Variants in CTNND2 observed in about 807,000 individuals in gnomAD.
The protein encoded by CTNND2 is catenin delta 2.
A neutral mutation model predicts 144.4 loss-of-function variants in CTNND2; 22 were observed. The ratio of observed to expected loss-of-function variants is 0.15; its 90% CI spans 0.11 to 0.22. The LOEUF is 0.22. Ranked by LOEUF, CTNND2 falls within the 10% of genes least tolerant of loss-of-function variation. CTNND2 has a pLI of 1.00. For synonymous variants in CTNND2, 751 were observed against 695.6 expected, an observed-to-expected ratio of 1.08 and a Z score of -1.25; for missense variants, 1,353 against 1,618.8, an observed-to-expected ratio of 0.84 and a Z score of 2.82.
intron 9 of CTNND2, among the ~76,000 whole-genome samples, chr5:11,319,953 T>C (rs1751871751): frequency 1.3e-5 from 2 of 152,224 alleles, no homozygotes; most frequent in Admixed American, 1.3e-4. Flanking sequence ...TTCCATGAAG[T>C]TGTCAGGCCC....
At chr5:11,262,545 G>A (rs1220684483) in intron 9 of CTNND2, among the ~76,000 whole-genome samples, 2 of 151,956 alleles carry the variant, frequency 1.3e-5, no homozygotes, top group Non-Finnish European at 1.5e-5. Flanking sequence ...GGTGGATCAC[G>A]AGGTCAGGAG....
intron 2 of CTNND2, among the ~76,000 whole-genome samples, chr5:11,698,235 T>C (rs1785227106): frequency 1.3e-5 from 2 of 151,990 alleles, no homozygotes; most frequent in Admixed American, 1.3e-4. Flanking sequence ...ATGAAATCTA[T>C]CTGATGCTGA....
At chr5:11,382,557 C>A (rs542951060) in intron 7 of CTNND2, among the ~76,000 whole-genome samples, 1 of 151,292 alleles carries the variant, frequency 6.6e-6, no homozygotes, top group East Asian at 2.0e-4. Context: ...GAGATCGCAC[C>A]ACTGCACTCC....
chr5:11,900,142 T>G, intron 1 of CTNND2, among the ~76,000 whole-genome samples: 1 of 152,224 alleles, frequency 6.6e-6, no homozygotes, highest in East Asian at 1.9e-4. Context: ...GGTGAATATT[T>G]ATCTAAGATA....
chr5:11,271,780 T>C (rs966046437), intron 9 of CTNND2, among the ~76,000 whole-genome samples: 5 of 152,066 alleles, frequency 3.3e-5, no homozygotes, highest in Non-Finnish European at 5.9e-5. Context: ...GAATGAGAAA[T>C]GAGTGGGAGG....
At chr5:11,868,636 C>T (rs540665792) in intron 1 of CTNND2, among the ~76,000 whole-genome samples, 1 of 152,166 alleles carries the variant, frequency 6.6e-6, no homozygotes, top group South Asian at 2.1e-4. Flanking sequence ...GAGATAGGGC[C>T]TTTAAGAGGT....
intron 1 of CTNND2, among the ~76,000 whole-genome samples, chr5:11,774,686 A>G (rs919487091): frequency 6.6e-6 from 1 of 152,126 alleles, no homozygotes; most frequent in Non-Finnish European, 1.5e-5. Context: ...TTGATTTAAG[A>G]AACACTTTTT....
At chr5:11,777,581 A>C (rs1790325600) in intron 1 of CTNND2, among the ~76,000 whole-genome samples, 1 of 152,196 alleles carries the variant, frequency 6.6e-6, no homozygotes, top group Admixed American at 6.5e-5. Context: ...CCTGAATCTT[A>C]GACAGAGGCC....
At chr5:11,480,959 T>A (rs957138690) in intron 3 of CTNND2, among the ~76,000 whole-genome samples, 2 of 152,108 alleles carry the variant, frequency 1.3e-5, no homozygotes, top group East Asian at 3.9e-4. Context: ...GGAAATGGGC[T>A]CCTATATACA....
rs543955186 is a variant in CTNND2, at chr5:11,098,546, T to G, written c.2637+29A>C. The G allele has an allele frequency of 2.3e-5, 37 of 1,584,084 alleles. No homozygotes were observed. The South Asian group carries it at 4.2e-4, about 18-fold the overall frequency. ...TGAGGAGTTGCTCATAACTCCAGATTTCTTTTTATTGTAATGAACTGGCCA... is the reference window on the plus strand; with the variant it reads ...TGAGGAGTTGCTCATAACTCCAGATGTCTTTTTATTGTAATGAACTGGCCA... On this transcript the variant is annotated intron_variant, in intron 15 of 21. Coordinates refer to ENST00000304623, the MANE Select transcript of CTNND2 (RefSeq NM_001332.4).
intron 12 of CTNND2, among the ~76,000 whole-genome samples, chr5:11,117,970 A>G (rs1010046347): frequency 6.6e-6 from 1 of 152,252 alleles, no homozygotes; most frequent in Non-Finnish European, 1.5e-5. Context: ...TATTTTAGAC[A>G]TCTAAATTTG....
intron 1 of CTNND2, among the ~76,000 whole-genome samples, chr5:11,804,650 A>G (rs1374524785): frequency 2.0e-5 from 3 of 152,176 alleles, no homozygotes; most frequent in Admixed American, 6.5e-5. Context: ...TAGGAAAACT[A>G]TAGAGATGGC....
intron 9 of CTNND2, among the ~76,000 whole-genome samples, chr5:11,257,757 G>T (rs1744419597): frequency 6.6e-6 from 1 of 152,150 alleles, no homozygotes; most frequent in Admixed American, 6.5e-5. Context: ...TGGTTGATGG[G>T]CTTTCTACAG....
intron 2 of CTNND2, among the ~76,000 whole-genome samples, chr5:11,706,534 A>T (rs1785701810): frequency 6.6e-6 from 1 of 152,166 alleles, no homozygotes; most frequent in Non-Finnish European, 1.5e-5. Context: ...CCAAATCAAG[A>T]TACAGAGTGC....
chr5:11,684,660 C>T lies in CTNND2; in HGVS notation c.174+47476G>A, dbSNP rs888166817. The stretch of plus-strand genomic sequence containing the variant: ...TGCCTCCCACCTTCTTAATTCCTAA[C>T]ATGAGTGTGAATGAGTTTGAAGTTT... On this transcript the variant is annotated intron_variant, in intron 2 of 21. Coordinates refer to ENST00000304623, the MANE Select transcript of CTNND2 (RefSeq NM_001332.4). Among the ~76,000 whole-genome samples, 21 of 152,264 alleles carry T rather than the reference C, an allele frequency of 1.4e-4. No individual in the cohort carries two copies. The East Asian group carries it at 3.9e-3, about 28-fold the overall frequency.
chr5:11,895,022 G>A (rs1302855628), intron 1 of CTNND2, among the ~76,000 whole-genome samples: 1 of 152,204 alleles, frequency 6.6e-6, no homozygotes, highest in Non-Finnish European at 1.5e-5. Flanking sequence ...GAGAGAAGGA[G>A]TGTGTGCCTG....
chr5:11,045,655 C>A (rs1278592312), intron 16 of CTNND2, among the ~76,000 whole-genome samples: 1 of 152,176 alleles, frequency 6.6e-6, no homozygotes, highest in Non-Finnish European at 1.5e-5. Context: ...GTGTCTCTTA[C>A]AAGGACACTT....
intron 1 of CTNND2, among the ~76,000 whole-genome samples, chr5:11,865,577 T>C (rs1795722480): frequency 6.6e-6 from 1 of 152,112 alleles, no homozygotes; most frequent in South Asian, 2.1e-4. Context: ...GTTGGATCAG[T>C]GTGGGAAGCA....
chr5:11,438,508 C>T (rs1763973417), intron 3 of CTNND2, among the ~76,000 whole-genome samples: 1 of 152,186 alleles, frequency 6.6e-6, no homozygotes, highest in Non-Finnish European at 1.5e-5. Context: ...TACCTAATTT[C>T]AGAGTCACAC....
Sources: allele counts gnomAD v4.1 joint callset (sites outside exome capture counted in the v4.1 genomes callset), GRCh38; gene constraint gnomAD v4.1.1; transcripts MANE v1.5; gene names NCBI Gene and HGNC (gene_info 2026-07-23, HGNC 2026-07-21).